The following UBR1 variants were observed in gnomAD, a reference collection of about 807,000 sequenced individuals.
UBR1 encodes ubiquitin protein ligase E3 component n-recognin 1, also known as E3 ubiquitin-protein ligase UBR1.
UBR1 carries 102 observed loss-of-function variants against 242.1 expected under a neutral mutation model. That is an observed-to-expected ratio of 0.42 (90% CI 0.36 to 0.50). The LOEUF is 0.50. Among genes scored for constraint, UBR1 ranks in the 20% least tolerant of loss-of-function variants. UBR1 has a pLI of 0.01. For synonymous variants in UBR1, 675 were observed against 684.8 expected (o/e 0.99, Z 0.22); for missense variants, 1,772 against 2,101.8 (o/e 0.84, Z 3.07).
chr15:42,976,720 T>C lies in UBR1; in HGVS notation c.4366A>G (p.Thr1456Ala), dbSNP rs1040911348. ...AACACCCAGATGAAAACCTTACCTG[T>C]GTCTACTGTAAGTAGTATCTGAAGC... ...HMLQILLTVDTGLPLAQVQED... is the reference protein window; with the variant it reads ...HMLQILLTVDAGLPLAQVQED... The change falls in exon 39 of 47, where the codon ACA becomes GCA. Residue 1456 changes from threonine to alanine, a missense_variant. This residue lies in a region of UBR1 where 965 missense variants were observed against 1,079.7 expected (regional missense o/e 0.89). Transcript: ENST00000290650. The C allele has an allele frequency of 1.2e-6, 2 of 1,614,080 alleles. No homozygotes were observed. The highest frequency in any genetic ancestry group is 2.2e-5 in the East Asian group (1 of 44,848).
At chr15:43,025,691 G>T in intron 23 of UBR1, 1 of 431,026 alleles carries the variant, frequency 2.3e-6, no homozygotes. Context: ...TATGCACAGG[G>T]TACTATGCTA....
chr15:43,003,836 C>T lies in UBR1; in HGVS notation c.3509+1G>A. On this transcript the variant is annotated splice_donor_variant, in intron 31 of 46. Coordinates refer to ENST00000290650, the MANE Select transcript of UBR1 (RefSeq NM_174916.3). LOFTEE classifies it high-confidence loss of function. ...AAGAACATGTCAGAAGGACAACTTA[C>T]TTCTGCCAGCACACTGCGTGCATTA... 1.2e-6 allele frequency: 2 copies of T among 1,614,062 alleles called. No homozygotes were observed. Among genetic ancestry groups the T allele is most frequent in the Non-Finnish European group, 8.5e-7 (1 of 1,179,994 alleles).
chr15:43,093,884 A>G (rs763554998), intron 1 of UBR1, among the ~76,000 whole-genome samples: 1 of 152,034 alleles, frequency 6.6e-6, no homozygotes, highest in Admixed American at 6.6e-5. Context: ...GAAATAAACC[A>G]ATATAATTCA....
intron 46 of UBR1, among the ~76,000 whole-genome samples, chr15:42,947,486 G>A (rs2031757194): frequency 6.6e-6 from 1 of 152,102 alleles, no homozygotes. Context: ...AAAAGAGGAA[G>A]TCAAATTGTC....
At chr15:43,092,844 G>A (rs534652678) in intron 1 of UBR1, among the ~76,000 whole-genome samples, 4 of 152,222 alleles carry the variant, frequency 2.6e-5, no homozygotes, top group South Asian at 4.2e-4. Flanking sequence ...GAGCCACCGC[G>A]CCCAGCCTAG....
intron 6 of UBR1, among the ~76,000 whole-genome samples, chr15:43,062,895 T>C (rs2033705801): frequency 6.6e-6 from 1 of 151,870 alleles, no homozygotes; most frequent in Non-Finnish European, 1.5e-5. Flanking sequence ...CTGGCATGTC[T>C]ACTCTGAAAA....
rs558369624 is a variant in UBR1 at position 43,021,679 on chromosome 15, C to T, written c.2840-304G>A. 1.2e-4 allele frequency among the ~76,000 whole-genome samples: 18 copies of T among 152,180 alleles called. No individual in the cohort carries two copies. In the East Asian group the frequency reaches 3.3e-3, roughly 28 times the overall value. Reference sequence around the variant, plus strand: ...CATGTTCAGTACAGTGACAACCATCCTTTTTCCTTTTTCCCCCTGAATATT... The same window carrying T: ...CATGTTCAGTACAGTGACAACCATCTTTTTTCCTTTTTCCCCCTGAATATT... On this transcript the variant is annotated intron_variant, in intron 26 of 46. Transcript: ENST00000290650.
At chr15:43,032,823 G>T (rs954001458) in intron 19 of UBR1, among the ~76,000 whole-genome samples, 192 bp from the exon 20 acceptor site, 1 of 152,052 alleles carries the variant, frequency 6.6e-6, no homozygotes, top group African/African-American at 2.4e-5. Flanking sequence ...ACAATACCTG[G>T]CATATAATTG....
intron 5 of UBR1, among the ~76,000 whole-genome samples, chr15:43,070,248 T>TA (rs746635905): frequency 0.026 from 665 of 25,230 alleles, 72 homozygotes; most frequent in East Asian, 0.13. Context: ...GAGTTCTAGC[T>TA]AAAAAAAAAA....
chr15:43,005,852 G>T (rs11630330), intron 30 of UBR1, among the ~76,000 whole-genome samples: 118,616 of 146,270 alleles, frequency 0.81, 48,855 homozygotes, highest in Non-Finnish European at 0.89. Flanking sequence ...TTAAGGGCGG[G>T]GCAAGATGTG....
intron 1 of UBR1, among the ~76,000 whole-genome samples, chr15:43,087,868 T>C (rs914574288): frequency 6.6e-6 from 1 of 152,168 alleles, no homozygotes; most frequent in Non-Finnish European, 1.5e-5. Context: ...ATCTATGTCC[T>C]GATATGGAAC....
intron 18 of UBR1, 28 bp downstream of exon 18, chr15:43,036,500 A>G (rs1388061846): frequency 2.0e-6 from 3 of 1,515,548 alleles, no homozygotes. Flanking sequence ...ATGAAGACAC[A>G]AATATCAGAA....
intron 37 of UBR1, among the ~76,000 whole-genome samples, chr15:42,978,754 A>G (rs150052269): frequency 1.3e-5 from 2 of 149,748 alleles, no homozygotes; most frequent in African/African-American, 4.9e-5. Context: ...TTTTAGACAG[A>G]ATCTTGCTCT....
intron 1 of UBR1, among the ~76,000 whole-genome samples, chr15:43,097,503 A>G (rs2141370391): frequency 6.6e-6 from 1 of 152,354 alleles, no homozygotes; most frequent in African/African-American, 2.4e-5. Flanking sequence ...TCTAGATGGC[A>G]TCTTCTTCCA....
At chr15:43,001,525 C>G (rs2032725395) in intron 32 of UBR1, among the ~76,000 whole-genome samples, 1 of 152,202 alleles carries the variant, frequency 6.6e-6, no homozygotes, top group South Asian at 2.1e-4. Flanking sequence ...GTATTTTTAT[C>G]AACAAAACCA....
chr15:42,978,754 A>C lies in UBR1; in HGVS notation c.4151-807T>G, dbSNP rs150052269. Among the ~76,000 whole-genome samples, 517 of 149,838 alleles carry C rather than the reference A, an allele frequency of 3.5e-3. 2 individuals carry two copies. Among genetic ancestry groups the C allele is most frequent in the African/African-American group, 0.012 (492 of 40,896 alleles). On this transcript the variant is annotated intron_variant, in intron 37 of 46. Coordinates refer to ENST00000290650, the MANE Select transcript of UBR1 (RefSeq NM_174916.3). ...TTTCTTTTTTTTTTTTTTTAGACAG[A>C]ATCTTGCTCTCTCATCCAGGCAGGA...
intron 2 of UBR1, among the ~76,000 whole-genome samples, chr15:43,083,368 G>A (rs1432207046): frequency 6.6e-6 from 1 of 151,842 alleles, no homozygotes; most frequent in African/African-American, 2.4e-5. Context: ...GCAAAGTGCA[G>A]GATTATTATT....
Position 43,044,818 on chromosome 15 carries a change from C to T in UBR1, c.1669-1423G>A, listed in dbSNP as rs573199886. On this transcript the variant is annotated intron_variant, in intron 14 of 46. Transcript: ENST00000290650. ...GCTGAGGCAGCAGAACCGCTTGAACCCAGGAGGCGGAGGTTGCAGTGAGCC... is the reference window on the plus strand; with the variant it reads ...GCTGAGGCAGCAGAACCGCTTGAACTCAGGAGGCGGAGGTTGCAGTGAGCC... 3.3e-5 allele frequency among the ~76,000 whole-genome samples: 5 copies of T among 152,198 alleles called. No homozygotes were observed. In the East Asian group the frequency reaches 5.8e-4, roughly 18 times the overall value.
intron 35 of UBR1, 89 bp from the exon 36 acceptor site, chr15:42,985,031 AT>A: frequency 9.7e-7 from 1 of 1,030,562 alleles, no homozygotes; most frequent in Non-Finnish European, 1.4e-6. Context: ...CTTTAATAAT[AT>A]TTTTGATGAG....
Sources: gnomAD v4.1 joint callset for allele counts (sites outside exome capture counted in the v4.1 genomes callset) on GRCh38, gnomAD v4.1.1 for gene constraint, gnomAD v4.1.1 regional missense constraint, MANE v1.5 for transcripts, NCBI Gene and HGNC (gene_info 2026-07-23, HGNC 2026-07-21) for gene names.